SIRPG: variants seen among roughly 807,000 people sequenced by gnomAD.
SIRPG encodes signal-regulatory protein gamma.
SIRPG carries 38 observed loss-of-function variants against 35.7 expected under a neutral mutation model. The observed-to-expected ratio is 1.06, with a 90% CI of 0.82 to 1.40. The LOEUF is 1.40. SIRPG is among the 40% of genes most tolerant of loss of function. SIRPG has a pLI of 0.00. For missense variants in SIRPG, 519 were observed against 483.0 expected (o/e 1.07, Z -0.70); for synonymous variants, 215 against 190.4 (o/e 1.13, Z -1.06).
the SIRPG span, among the ~76,000 whole-genome samples, chr20:1,668,150 TTTTTCTTTTC>T: frequency 3.5e-5 from 4 of 113,108 alleles, no homozygotes; most frequent in Admixed American, 9.1e-5. Context: ...TTCTTTTCTT[TTTTTCTTTTC>T]TTTTCTTTTC....
chr20:1,663,954 G>A, the SIRPG span, among the ~76,000 whole-genome samples: 1 of 152,238 alleles, frequency 6.6e-6, no homozygotes, highest in Non-Finnish European at 1.5e-5. Context: ...TTGTGGTTCT[G>A]CAGACTGTAC....
rs1468867126 is a variant in SIRPG, at chr20:1,649,054, C to T, written c.428G>A (p.Gly143Asp). The T allele has an allele frequency of 1.2e-6, 2 of 1,613,256 alleles. No individual in the cohort carries two copies. Among genetic ancestry groups the T allele is most frequent in the Non-Finnish European group, 1.7e-6 (2 of 1,179,418 alleles). Reference sequence around the variant, plus strand: ...AGGGAGGTCCATGTTGTACTCACCACCCAAAGCCATCTCAGTGCCTGGTCC... The same window carrying T: ...AGGGAGGTCCATGTTGTACTCACCATCCAAAGCCATCTCAGTGCCTGGTCC... ...KSGPGTEMAL[G>D]AKPSAPVVLG... is the part of the protein sequence containing the mutation. Residue 143 changes from glycine to aspartate, a missense_variant and splice_region_variant, in exon 2 of 6, where the codon GGT becomes GAT. Gly to Asp is a moderately conservative substitution (Grantham distance 94, BLOSUM62 -1). Transcript: ENST00000303415.
chr20:1,658,814 T>C (rs2091988161), upstream of SIRPG, among the ~76,000 whole-genome samples: 1 of 152,286 alleles, frequency 6.6e-6, no homozygotes, highest in Non-Finnish European at 1.5e-5. Flanking sequence ...TGCCCACCAG[T>C]GGCTTTCTCC....
At chr20:1,659,428 A>G (rs2091990365), upstream of SIRPG, among the ~76,000 whole-genome samples, 1 of 152,276 alleles carries the variant, frequency 6.6e-6, no homozygotes. Flanking sequence ...AAATGAAAAG[A>G]ATATATGAAT....
At chr20:1,656,625 G>A (rs1406746574) in intron 1 of SIRPG, among the ~76,000 whole-genome samples, 1 of 152,174 alleles carries the variant, frequency 6.6e-6, no homozygotes, top group Non-Finnish European at 1.5e-5. Context: ...GGTGAAGACA[G>A]GCAGCCTGTC....
intron 2 of SIRPG, among the ~76,000 whole-genome samples, chr20:1,638,194 G>T (rs897246986): frequency 6.6e-6 from 1 of 152,144 alleles, no homozygotes; most frequent in African/African-American, 2.4e-5. Flanking sequence ...TTGCCTTGAG[G>T]GGGTCCTCGT....
intron 1 of SIRPG, among the ~76,000 whole-genome samples, chr20:1,655,373 C>T (rs2091969136): frequency 6.6e-6 from 1 of 152,136 alleles, no homozygotes; most frequent in Admixed American, 6.5e-5. Flanking sequence ...CTGTCATTTG[C>T]AACAACATGG....
At chr20:1,662,062 T>A (rs2091997563), upstream of SIRPG, among the ~76,000 whole-genome samples, 1 of 152,148 alleles carries the variant, frequency 6.6e-6, no homozygotes, top group South Asian at 2.1e-4. Context: ...GTCCCTTAAG[T>A]CAACACCAAG....
At chr20:1,668,253 C>G in the SIRPG span, among the ~76,000 whole-genome samples, 1 of 66,104 alleles carries the variant, frequency 1.5e-5, no homozygotes, top group Non-Finnish European at 3.2e-5. Flanking sequence ...CTTTCTTTTT[C>G]TTTTTCTTTT....
the SIRPG span, among the ~76,000 whole-genome samples, chr20:1,667,392 T>G: frequency 2.6e-4 from 39 of 152,298 alleles, no homozygotes; most frequent in East Asian, 7.5e-3. Context: ...CAAATTAGCT[T>G]GTTGATAGCT....
chr20:1,676,271 T>A, the SIRPG span, among the ~76,000 whole-genome samples: 1 of 152,144 alleles, frequency 6.6e-6, no homozygotes, highest in Admixed American at 6.5e-5. Flanking sequence ...ACACACACCC[T>A]CTGACCTAGC....
intron 2 of SIRPG, among the ~76,000 whole-genome samples, chr20:1,639,760 C>T (rs774334490): frequency 5.9e-5 from 9 of 152,176 alleles, no homozygotes; most frequent in Non-Finnish European, 1.3e-4. Context: ...TTGGGTTTTA[C>T]ATTTAAGTCT....
intron 4 of SIRPG, among the ~76,000 whole-genome samples, chr20:1,631,889 T>G (rs1216081566): frequency 6.6e-6 from 1 of 152,210 alleles, no homozygotes; most frequent in Admixed American, 6.5e-5. Context: ...TGGGGAAATA[T>G]GCTGAGAAGC....
At chr20:1,633,111 G>A (rs2091764738) in intron 4 of SIRPG, among the ~76,000 whole-genome samples, 1 of 152,072 alleles carries the variant, frequency 6.6e-6, no homozygotes, top group Admixed American at 6.6e-5. Flanking sequence ...GAGATATTAT[G>A]AACAACTCTA....
chr20:1,668,150 T>TTCTTTTTTTCTTTTC, the SIRPG span, among the ~76,000 whole-genome samples: 1 of 113,108 alleles, frequency 8.8e-6, no homozygotes, highest in African/African-American at 3.2e-5. Context: ...TTCTTTTCTT[T>TTCTTTTTTTCTTTTC]TTTTCTTTTC....
upstream of SIRPG, among the ~76,000 whole-genome samples, chr20:1,661,475 C>T (rs1364327454): frequency 6.6e-6 from 1 of 152,128 alleles, no homozygotes; most frequent in Non-Finnish European, 1.5e-5. Flanking sequence ...TGAGGAGACA[C>T]CATGTAGAAA....
the SIRPG span, among the ~76,000 whole-genome samples, chr20:1,672,805 G>A: frequency 4.6e-5 from 7 of 152,062 alleles, no homozygotes; most frequent in Non-Finnish European, 7.4e-5. Flanking sequence ...TTCCAAAGAG[G>A]GAACGTTTTT....
chr20:1,636,467 T>C lies in SIRPG; in HGVS notation c.469A>G (p.Arg157Gly), dbSNP rs1242428697. The change falls in exon 3 of 6, where the codon AGG becomes GGG. Residue 157 changes from arginine to glycine, a missense_variant. Transcript: ENST00000303415. Reference protein sequence around the residue: ...SAPVVLGPAARTTPEHTVSFT... With the variant: ...SAPVVLGPAAGTTPEHTVSFT... ...CTCACTGTATGCTCAGGTGTGGTCC[T>C]CGCCGCAGGGCCCAATACCACGGGG... is the stretch of plus-strand genomic sequence containing the variant. 1 of 1,614,244 alleles carries C rather than the reference T, an allele frequency of 6.2e-7. No individual in the cohort carries two copies. Among genetic ancestry groups the C allele is most frequent in the East Asian group, 2.2e-5 (1 of 44,882 alleles).
rs766687857 is a variant in SIRPG at position 1,635,556 on chromosome 20, C to T, written c.792G>A (p.Gly264=). 8.7e-6 allele frequency: 14 copies of T among 1,614,152 alleles called. No individual in the cohort carries two copies. The South Asian group carries it at 9.9e-5, about 11-fold the overall frequency. Residue 264 remains glycine (G), a synonymous_variant, in exon 4 of 6, where the codon GGG becomes GGA. Coordinates refer to ENST00000303415, the MANE Select transcript of SIRPG (RefSeq NM_018556.4). ...CCTGGCAGGTGACGTTTACCTGGTT[C>T]CCCACCCTCATGGGCTGTTGAGTAA... ...LEVTQQPMRV[G]NQVNVTCQVR...
Sources: allele counts gnomAD v4.1 joint callset (sites outside exome capture counted in the v4.1 genomes callset), GRCh38; gene constraint gnomAD v4.1.1; transcripts MANE v1.5; gene names NCBI Gene and HGNC (gene_info 2026-07-23, HGNC 2026-07-21).